The following GRIK3 variants were observed in gnomAD, a reference collection of about 807,000 sequenced individuals.
GRIK3 encodes the protein glutamate receptor ionotropic, kainate 3.
Under a neutral mutation model 102.5 loss-of-function variants are expected in GRIK3, and 29 were observed. That is an observed-to-expected ratio of 0.28 (90% confidence interval 0.21 to 0.39). The LOEUF is 0.39. Ranked by LOEUF, GRIK3 falls within the 10% of genes least tolerant of loss-of-function variation. GRIK3 has a pLI of 1.00. For missense variants in GRIK3, 908 were observed against 1,252.4 expected, an observed-to-expected ratio of 0.73 and a Z score of 4.15; for synonymous variants, 511 against 504.9, an observed-to-expected ratio of 1.01 and a Z score of -0.16.
intron 1 of GRIK3, among the ~76,000 whole-genome samples, chr1:36,919,337 A>AG (rs1373160904): frequency 4.1e-4 from 28 of 67,810 alleles, no homozygotes; most frequent in Admixed American, 3.1e-3. Context: ...GGCTTTTTTA[A>AG]AATTTTATTT....
intron 10 of GRIK3, among the ~76,000 whole-genome samples, chr1:36,834,189 G>A (rs1180366821): frequency 6.6e-6 from 1 of 152,198 alleles, no homozygotes; most frequent in Non-Finnish European, 1.5e-5. Flanking sequence ...TGTGTCCACG[G>A]CTGCTAGCAT....
At chr1:36,816,350 T>C (rs1642628201) in intron 13 of GRIK3, among the ~76,000 whole-genome samples, 1 of 152,196 alleles carries the variant, frequency 6.6e-6, no homozygotes, top group Non-Finnish European at 1.5e-5. Flanking sequence ...CTATTACTAC[T>C]TTAATTTCTG....
chr1:36,815,645 G>A (rs1642618302), intron 13 of GRIK3, among the ~76,000 whole-genome samples: 1 of 152,188 alleles, frequency 6.6e-6, no homozygotes, highest in Non-Finnish European at 1.5e-5. Context: ...ACAGAACCTG[G>A]ACCAGCAGCT....
intron 1 of GRIK3, among the ~76,000 whole-genome samples, chr1:36,946,082 C>T (rs1165243308): frequency 6.6e-6 from 1 of 152,230 alleles, no homozygotes. Context: ...GGATATGCAG[C>T]CAGGATAGGG....
At chr1:36,948,322 G>A (rs1237091915) in intron 1 of GRIK3, among the ~76,000 whole-genome samples, 2 of 152,226 alleles carry the variant, frequency 1.3e-5, no homozygotes, top group Non-Finnish European at 1.5e-5. Context: ...ATCCTGTACT[G>A]GGAGAGGCCT....
intron 1 of GRIK3, among the ~76,000 whole-genome samples, chr1:36,917,532 C>T (rs1641415463): frequency 6.6e-6 from 1 of 152,174 alleles, no homozygotes. Context: ...GTAATTGAAT[C>T]ATGGGGGCAG....
At chr1:36,861,001 T>C (rs1640717558) in intron 5 of GRIK3, among the ~76,000 whole-genome samples, 1 of 152,232 alleles carries the variant, frequency 6.6e-6, no homozygotes, top group African/African-American at 2.4e-5. Context: ...ATTTGCAGAA[T>C]TTTGTCAAAT....
At chr1:36,951,533 T>C (rs1641843415) in intron 1 of GRIK3, among the ~76,000 whole-genome samples, 1 of 152,224 alleles carries the variant, frequency 6.6e-6, no homozygotes, top group Non-Finnish European at 1.5e-5. Context: ...GCTTCTGTCC[T>C]ACTTATGTCG....
At chr1:36,807,972 C>T (rs1642518746) in intron 13 of GRIK3, among the ~76,000 whole-genome samples, 1 of 152,202 alleles carries the variant, frequency 6.6e-6, no homozygotes. Flanking sequence ...CATTGCTACT[C>T]TCCAGCTACT....
intron 10 of GRIK3, among the ~76,000 whole-genome samples, chr1:36,835,961 G>A (rs574000339): frequency 6.6e-6 from 1 of 152,128 alleles, no homozygotes; most frequent in African/African-American, 2.4e-5. Flanking sequence ...GAGACATCCC[G>A]AGCTCCCCCA....
intron 1 of GRIK3, among the ~76,000 whole-genome samples, chr1:36,898,087 T>C (rs981061868): frequency 6.7e-6 from 1 of 149,204 alleles, no homozygotes; most frequent in Non-Finnish European, 1.5e-5. Flanking sequence ...ATTGAAATCA[T>C]GGAGATAGAG....
rs372973696 is a variant in GRIK3, at chr1:36,817,049, G to A, written c.2091+11C>T. 33 of 1,590,206 alleles carry A rather than the reference G, an allele frequency of 2.1e-5. No homozygotes were observed. Among genetic ancestry groups the A allele is most frequent in the Non-Finnish European group, 2.4e-5 (28 of 1,158,400 alleles). On this transcript the variant is annotated intron_variant, in intron 13 of 15. Coordinates refer to ENST00000373091, the MANE Select transcript of GRIK3 (RefSeq NM_000831.4). ...GCTCACGGTGCTGCAATAGGAGGGA[G>A]AGGGCCTCACCTTGAAGAAGGTCAT... is the stretch of plus-strand genomic sequence containing the variant.
At position 37,017,369 on chromosome 1, in the gene GRIK3, TAAAAA is replaced by T. The variant is rs774819790; in HGVS notation, c.115+16620_115+16624del. Among the ~76,000 whole-genome samples, 15 of 48,522 alleles carry T rather than the reference TAAAAA, an allele frequency of 3.1e-4. No homozygotes were observed. The South Asian group carries it at 5.7e-3, about 18-fold the overall frequency. 31.8% of individuals were successfully genotyped at this position (48,522 alleles called of 152,430 possible). A position where few individuals can be genotyped will look rare whatever the true frequency, so the allele number is the denominator to read the frequency against. Reference sequence around the variant, plus strand: ...GGCAACATAGTGAGACCCTGTCTCTTAAAAAAAAAAAAAAAAAAAAAAAAAAGAAG... The same window carrying T: ...GGCAACATAGTGAGACCCTGTCTCTTAAAAAAAAAAAAAAAAAAAAAGAAG... On this transcript the variant is annotated intron_variant, in intron 1 of 15. Coordinates refer to ENST00000373091, the MANE Select transcript of GRIK3 (RefSeq NM_000831.4).
At chr1:36,848,088 G>T (rs998224708) in intron 9 of GRIK3, among the ~76,000 whole-genome samples, 1 of 152,230 alleles carries the variant, frequency 6.6e-6, no homozygotes, top group African/African-American at 2.4e-5. Context: ...CTCACAGGTC[G>T]AGAGCATGGG....
At position 36,900,049 on chromosome 1, in the gene GRIK3, A is replaced by G. The variant is rs76127589; in HGVS notation, c.116-8953T>C. Among the ~76,000 whole-genome samples, 21 of 152,350 alleles carry G rather than the reference A, an allele frequency of 1.4e-4. No individual in the cohort carries two copies. The East Asian group carries it at 4.1e-3, about 29-fold the overall frequency. On this transcript the variant is annotated intron_variant, in intron 1 of 15. Transcript: ENST00000373091. ...CTCAACAACAGCCTCAGTGAATCAG[A>G]CGTAATGTACATCTATAGACTACTT...
intron 1 of GRIK3, among the ~76,000 whole-genome samples, 185 bp downstream of exon 1, chr1:37,033,809 A>G (rs1233715286): frequency 6.6e-6 from 1 of 152,100 alleles, no homozygotes; most frequent in Non-Finnish European, 1.5e-5. Context: ...CTCCTCCCCA[A>G]TAAGTAAGGC....
At chr1:36,919,617 A>T (rs1324191290) in intron 1 of GRIK3, among the ~76,000 whole-genome samples, 1 of 152,100 alleles carries the variant, frequency 6.6e-6, no homozygotes, top group Admixed American at 6.5e-5. Context: ...ATCTCCTTCC[A>T]GGTATCAGTT....
At chr1:36,947,868 G>C (rs148706279) in intron 1 of GRIK3, among the ~76,000 whole-genome samples, 1,608 of 151,994 alleles carry the variant, frequency 0.011, 29 homozygotes, top group African/African-American at 0.036. Context: ...CCCCTCCACA[G>C]TATGATACTT....
intron 1 of GRIK3, among the ~76,000 whole-genome samples, chr1:36,916,774 C>T (rs1418947581): frequency 6.6e-6 from 1 of 152,148 alleles, no homozygotes; most frequent in Admixed American, 6.5e-5. Flanking sequence ...CACCTGGATG[C>T]CCAGACAAAA....
Sources: gnomAD v4.1 joint callset for allele counts (sites outside exome capture counted in the v4.1 genomes callset) on GRCh38, gnomAD v4.1.1 for gene constraint, MANE v1.5 for transcripts, NCBI Gene and HGNC (gene_info 2026-07-23, HGNC 2026-07-21) for gene names.